TUSC7: variants seen among roughly 807,000 people sequenced by gnomAD.
The protein encoded by TUSC7 is tumor suppressor candidate 7, also known as LSAMP antisense RNA 3.
intron 1 of TUSC7, among the ~76,000 whole-genome samples, chr3:116,714,861 A>T (rs2051492879): frequency 6.6e-6 from 1 of 152,124 alleles, no homozygotes; most frequent in Non-Finnish European, 1.5e-5. Context: ...CATAGTTTGC[A>T]TTAGGGGTCA....
chr3:116,713,766 G>A (rs770161337), intron 1 of TUSC7, among the ~76,000 whole-genome samples: 1 of 152,100 alleles, frequency 6.6e-6, no homozygotes, highest in Non-Finnish European at 1.5e-5. Context: ...AGGAGTTCGA[G>A]ACCAGCCTGG....
chr3:116,713,225 C>T (rs2051477564), intron 1 of TUSC7, among the ~76,000 whole-genome samples: 1 of 152,164 alleles, frequency 6.6e-6, no homozygotes, highest in African/African-American at 2.4e-5. Context: ...AAACTGTAAT[C>T]AGGGCAAAAT....
intron 1 of TUSC7, among the ~76,000 whole-genome samples, chr3:116,712,014 T>C (rs2051466961): frequency 6.6e-6 from 1 of 152,232 alleles, no homozygotes; most frequent in South Asian, 2.1e-4. Flanking sequence ...TGCATTAGCA[T>C]GGTACAAGAA....
chr3:116,713,704 G>A (rs949829875), intron 1 of TUSC7, among the ~76,000 whole-genome samples: 9 of 152,162 alleles, frequency 5.9e-5, no homozygotes, highest in African/African-American at 1.7e-4. Context: ...GGGGGCTCAC[G>A]CCTGTAATCC....
intron 1 of TUSC7, among the ~76,000 whole-genome samples, chr3:116,713,500 A>G (rs1011284763): frequency 1.3e-5 from 2 of 152,200 alleles, no homozygotes; most frequent in African/African-American, 4.8e-5. Flanking sequence ...GTTGCCTTCA[A>G]CCACCTATCA....
intron 1 of TUSC7, chr3:116,714,130 C>T (rs1051123825): frequency 5.3e-5 from 8 of 150,720 alleles, no homozygotes; most frequent in African/African-American, 1.7e-4. Flanking sequence ...CATCTATTAC[C>T]ATAATAGCCA....
At chr3:116,715,256 T>G (rs1413684099) in intron 1 of TUSC7, among the ~76,000 whole-genome samples, 1 of 152,184 alleles carries the variant, frequency 6.6e-6, no homozygotes, top group African/African-American at 2.4e-5. Context: ...ACTTCTAAGT[T>G]TTGGCAATTA....
At chr3:116,714,072 G>T (rs941556331) in intron 1 of TUSC7, 3 of 152,074 alleles carry the variant, frequency 2.0e-5, no homozygotes, top group African/African-American at 4.8e-5. Context: ...AGTTATTGCT[G>T]CAGAGGAAAG....
At chr3:116,716,143 C>T (rs2051505090) in intron 1 of TUSC7, 1 of 152,158 alleles carries the variant, frequency 6.6e-6, no homozygotes, top group Non-Finnish European at 1.5e-5. Context: ...GCACTGATTT[C>T]TAAAATATAA....
intron 1 of TUSC7, chr3:116,712,253 G>C (rs2051468195): frequency 6.6e-6 from 1 of 152,140 alleles, no homozygotes; most frequent in Non-Finnish European, 1.5e-5. Context: ...CACAAAACTA[G>C]AAACACATCT....
intron 1 of TUSC7, chr3:116,716,519 A>G (rs142303030): frequency 7.6e-4 from 116 of 152,280 alleles, no homozygotes; most frequent in African/African-American, 2.7e-3. Context: ...ACAAGCAAAT[A>G]TCTCCAGAGG....
intron 1 of TUSC7, chr3:116,716,894 T>C (rs989270848): frequency 1.3e-5 from 2 of 152,142 alleles, no homozygotes; most frequent in Non-Finnish European, 2.9e-5. Flanking sequence ...TCCTTGAGTA[T>C]ATTTAATTGT....
intron 1 of TUSC7, among the ~76,000 whole-genome samples, chr3:116,713,694 G>A (rs66550426): frequency 0.29 from 44,014 of 152,130 alleles, 6,684 homozygotes; most frequent in South Asian, 0.51. Context: ...GGCCAGACTT[G>A]GGGGCTCACG....
intron 1 of TUSC7, chr3:116,713,930 C>T (rs1357383488): frequency 6.6e-6 from 1 of 152,256 alleles, no homozygotes; most frequent in Non-Finnish European, 1.5e-5. Context: ...CGTGCCATTG[C>T]ACTCCAGCCT....
rs75078649 is a variant in TUSC7, at chr3:116,711,102, G to A, written n.98+1226G>A. ...GATAAAGGTATCAAGGGGAAGATATGAATTTATAATTAAACTTTGTACTCT... is the reference window on the plus strand; with the variant it reads ...GATAAAGGTATCAAGGGGAAGATATAAATTTATAATTAAACTTTGTACTCT... On this transcript the variant is annotated intron_variant and non_coding_transcript_variant, in intron 1 of 2. Coordinates refer to ENST00000477805, the Ensembl canonical transcript of TUSC7. Among the ~76,000 whole-genome samples, 109 of 152,242 alleles carry A rather than the reference G, an allele frequency of 7.2e-4. 2 individuals carry two copies. In the East Asian group the frequency reaches 0.018, roughly 25 times the overall value.
At chr3:116,713,874 G>A (rs552268174) in intron 1 of TUSC7, among the ~76,000 whole-genome samples, 2 of 152,306 alleles carry the variant, frequency 1.3e-5, no homozygotes, top group East Asian at 3.9e-4. Context: ...GCTGAGCCAG[G>A]AGAATCACTT....
At chr3:116,716,192 C>T (rs1156737905) in intron 1 of TUSC7, 2 of 152,172 alleles carry the variant, frequency 1.3e-5, no homozygotes, top group East Asian at 1.9e-4. Flanking sequence ...ATACAGAAGG[C>T]ACCTCAAATA....
rs2051499483 is a variant in TUSC7, at chr3:116,715,667, G to T, written n.99-2094G>T. ...GTTATTTGGCCCATTTTTAAATCGG[G>T]TTTGTTTTCTTATTGTTGAATTTTA... On this transcript the variant is annotated intron_variant and non_coding_transcript_variant, in intron 1 of 2. Coordinates refer to ENST00000477805, the Ensembl canonical transcript of TUSC7. 2.6e-5 allele frequency among the ~76,000 whole-genome samples: 4 copies of T among 152,130 alleles called. No homozygotes were observed. The South Asian group carries it at 8.3e-4, about 32-fold the overall frequency.
intron 1 of TUSC7, among the ~76,000 whole-genome samples, chr3:116,713,227 G>A (rs2051477610): frequency 1.3e-5 from 2 of 152,128 alleles, no homozygotes; most frequent in South Asian, 2.1e-4. Flanking sequence ...ACTGTAATCA[G>A]GGCAAAATTC....
Sources: allele counts gnomAD v4.1 joint callset (sites outside exome capture counted in the v4.1 genomes callset), GRCh38; gene constraint gnomAD v4.1.1; transcripts MANE v1.5; gene names NCBI Gene and HGNC (gene_info 2026-07-23, HGNC 2026-07-21).